RAP2A: variants seen among roughly 807,000 people sequenced by gnomAD.
The protein encoded by RAP2A is ras-related protein Rap-2a.
In RAP2A, 5 loss-of-function variants were observed where a neutral mutation model predicts 15.1. That is an observed-to-expected ratio of 0.33 (90% CI 0.17 to 0.70). The LOEUF (loss-of-function observed/expected upper bound fraction) is 0.70. Ranked by LOEUF, RAP2A falls within the 30% of genes least tolerant of loss-of-function variation. The pLI is 0.68. For synonymous variants in RAP2A, 110 were observed against 99.7 expected, an observed-to-expected ratio of 1.10 and a Z score of -0.62; for missense variants, 111 against 240.3, an observed-to-expected ratio of 0.46 and a Z score of 3.56.
chr13:97,460,956 T>C lies in RAP2A; in HGVS notation c.315-3249T>C, dbSNP rs142379476. ...TGCCCTCAGGAGTTCTTTACCTCCT[T>C]TGATCAGTTTCTCCGGCTCCTTCTT... is the stretch of plus-strand genomic sequence containing the variant. On this transcript the variant is annotated intron_variant, in intron 1 of 1. Transcript: ENST00000245304. 3.5e-3 allele frequency among the ~76,000 whole-genome samples: 529 copies of C among 152,300 alleles called. 3 individuals carry two copies. Among genetic ancestry groups the C allele is most frequent in the Middle Eastern group, 6.8e-3 (2 of 294 alleles).
intron 1 of RAP2A, among the ~76,000 whole-genome samples, chr13:97,459,517 C>G (rs1021709497): frequency 6.6e-6 from 1 of 152,190 alleles, no homozygotes; most frequent in South Asian, 2.1e-4. Flanking sequence ...TGCCAGAGTC[C>G]TGCAGGAGGC....
chr13:97,455,310 T>C (rs925393000), intron 1 of RAP2A, among the ~76,000 whole-genome samples: 3 of 151,570 alleles, frequency 2.0e-5, no homozygotes, highest in Non-Finnish European at 4.4e-5. Context: ...AGTGTTTACC[T>C]CATAGAGCAT....
In RAP2A at chr13:97,464,283, C is replaced by T. The variant is rs764550266; in HGVS notation, c.393C>T (p.Gly131=). The change falls in exon 2 of 2, where the codon GGC becomes GGT. Residue 131 remains glycine (G), a synonymous_variant. Coordinates refer to ENST00000245304, the MANE Select transcript of RAP2A (RefSeq NM_021033.7). ...ESEREVSSSE[G]RALAEEWGCP... ...AGAGAGAAGTATCGTCCAGCGAAGGCAGAGCCCTTGCTGAAGAGTGGGGCT... is the reference window on the plus strand; with the variant it reads ...AGAGAGAAGTATCGTCCAGCGAAGGTAGAGCCCTTGCTGAAGAGTGGGGCT... 2 of 1,614,216 alleles carry T rather than the reference C, an allele frequency of 1.2e-6. No individual in the cohort carries two copies. The highest frequency in any genetic ancestry group is 1.7e-6 in the Non-Finnish European group (2 of 1,180,044).
intron 1 of RAP2A, among the ~76,000 whole-genome samples, chr13:97,457,264 A>G (rs531092972): frequency 2.0e-5 from 3 of 151,320 alleles, no homozygotes; most frequent in Non-Finnish European, 4.4e-5. Flanking sequence ...ATATATACAT[A>G]TATATATATA....
chr13:97,439,546 T>C (rs944960029), intron 1 of RAP2A, among the ~76,000 whole-genome samples: 3 of 152,170 alleles, frequency 2.0e-5, no homozygotes, highest in African/African-American at 7.2e-5. Flanking sequence ...GGGGAGATTA[T>C]TTTCAGTTTT....
intron 1 of RAP2A, among the ~76,000 whole-genome samples, chr13:97,454,235 T>C (rs1352841068): frequency 6.6e-6 from 1 of 151,304 alleles, no homozygotes. Context: ...TTCTTCTTGA[T>C]AGCATGGATG....
Position 97,465,431 on chromosome 13 carries a change from T to G in RAP2A, c.*989T>G, listed in dbSNP as rs1404438242. 6.6e-6 allele frequency: 1 copy of G among 152,660 alleles called. No individual in the cohort carries two copies. Among genetic ancestry groups the G allele is most frequent in the Admixed American group, 6.5e-5 (1 of 15,280 alleles). 9.5% of individuals were successfully genotyped at this position (152,660 alleles called of 1,614,324 possible). ...AAAGCAGCAAATTCCTTCTCGCCTT[T>G]AAGGGCTATGGTTGTAGTGTGACCC... On this transcript the variant is annotated 3_prime_UTR_variant, in exon 2 of 2. Transcript: ENST00000245304.
chr13:97,457,850 A>G (rs1035663591), intron 1 of RAP2A, among the ~76,000 whole-genome samples: 4 of 152,122 alleles, frequency 2.6e-5, no homozygotes, highest in Non-Finnish European at 5.9e-5. Context: ...TTTTAAAATC[A>G]TGACTTATTT....
At chr13:97,452,497 CACAATCTTAATT>C (rs2066705824) in intron 1 of RAP2A, among the ~76,000 whole-genome samples, 1 of 151,240 alleles carries the variant, frequency 6.6e-6, no homozygotes, top group Non-Finnish European at 1.5e-5. Context: ...ATGCCTAAAC[CACAATCTTAATT>C]TTTGTAACTT....
chr13:97,443,357 A>C (rs1364736054), intron 1 of RAP2A, among the ~76,000 whole-genome samples: 1 of 152,230 alleles, frequency 6.6e-6, no homozygotes, highest in East Asian at 1.9e-4. Context: ...TTCTCTACTA[A>C]GTATCTTTAC....
chr13:97,453,456 T>TA (rs1300348292), intron 1 of RAP2A, among the ~76,000 whole-genome samples: 1 of 151,422 alleles, frequency 6.6e-6, no homozygotes, highest in African/African-American at 2.4e-5. Flanking sequence ...TCAAGAAAGT[T>TA]ATGTAAGTGA....
At chr13:97,450,498 C>G (rs1024248271) in intron 1 of RAP2A, among the ~76,000 whole-genome samples, 5 of 152,032 alleles carry the variant, frequency 3.3e-5, no homozygotes, top group Admixed American at 6.6e-5. Context: ...CTTCAGTTTT[C>G]CTTACTATTT....
At chr13:97,439,759 A>C (rs1372858908) in intron 1 of RAP2A, among the ~76,000 whole-genome samples, 1 of 152,204 alleles carries the variant, frequency 6.6e-6, no homozygotes, top group South Asian at 2.1e-4. Flanking sequence ...GAATGAATGA[A>C]TATAGCCAAG....
At chr13:97,460,225 C>T (rs2153180344) in intron 1 of RAP2A, among the ~76,000 whole-genome samples, 1 of 152,300 alleles carries the variant, frequency 6.6e-6, no homozygotes, top group South Asian at 2.1e-4. Context: ...ACATTTTTGG[C>T]TTTACTCCTG....
intron 1 of RAP2A, among the ~76,000 whole-genome samples, chr13:97,454,423 T>C (rs1003608417): frequency 8.6e-5 from 13 of 151,174 alleles, no homozygotes; most frequent in Non-Finnish European, 1.9e-4. Context: ...TTATGTCTAA[T>C]TTTTTATATT....
chr13:97,437,831 C>T (rs2066640831), intron 1 of RAP2A, among the ~76,000 whole-genome samples: 1 of 152,192 alleles, frequency 6.6e-6, no homozygotes, highest in South Asian at 2.1e-4. Context: ...AGCCAAACAA[C>T]GAATGGAGCT....
At position 97,468,613 on chromosome 13, in the gene RAP2A, C is replaced by A. The variant is rs2066782664; in HGVS notation, c.*4171C>A. Reference sequence around the variant, plus strand: ...CAGCATTCCACCAGTTGAGAAGCTTCATTGTTTTAGATTATAAGAATAATT... The same window carrying A: ...CAGCATTCCACCAGTTGAGAAGCTTAATTGTTTTAGATTATAAGAATAATT... On this transcript the variant is annotated 3_prime_UTR_variant, in exon 2 of 2. Coordinates refer to ENST00000245304, the MANE Select transcript of RAP2A (RefSeq NM_021033.7). 6.6e-6 allele frequency: 1 copy of A among 152,180 alleles called. No homozygotes were observed. The highest frequency in any genetic ancestry group is 1.5e-5 in the Non-Finnish European group (1 of 68,040). The allele number at this position is 152,180 out of a possible 1,614,324, so 9.4% of individuals were successfully genotyped here.
chr13:97,449,965 GTTTT>G (rs897670375), intron 1 of RAP2A, among the ~76,000 whole-genome samples: 3 of 144,318 alleles, frequency 2.1e-5, no homozygotes, highest in African/African-American at 2.5e-5. Flanking sequence ...AGTGTTTGGG[GTTTT>G]TTTTTTTTAA....
chr13:97,435,247 A>G (rs982489415), intron 1 of RAP2A, among the ~76,000 whole-genome samples: 6 of 152,176 alleles, frequency 3.9e-5, no homozygotes, highest in Admixed American at 2.6e-4. Flanking sequence ...TCATCTCGTT[A>G]AAGGTTTATG....
Sources: gnomAD v4.1 joint callset for allele counts (sites outside exome capture counted in the v4.1 genomes callset) on GRCh38, gnomAD v4.1.1 for gene constraint, MANE v1.5 for transcripts, NCBI Gene and HGNC (gene_info 2026-07-23, HGNC 2026-07-21) for gene names.